The following IGFBP7 variants were observed in gnomAD, a reference collection of about 807,000 sequenced individuals.
The protein encoded by IGFBP7 is insulin-like growth factor-binding protein 7.
A neutral mutation model predicts 29.4 loss-of-function variants in IGFBP7; 31 were observed. That is an observed-to-expected ratio of 1.05 (90% CI 0.79 to 1.42). IGFBP7 has a LOEUF of 1.42. Ranked by LOEUF, IGFBP7 falls within the 40% of genes most tolerant of loss-of-function variation. The pLI is 0.00. For missense variants in IGFBP7, 393 were observed against 395.5 expected, an observed-to-expected ratio of 0.99 and a Z score of 0.05; for synonymous variants, 172 against 174.9, an observed-to-expected ratio of 0.98 and a Z score of 0.13.
chr4:57,056,269 AT>A (rs1260409857), intron 1 of IGFBP7, among the ~76,000 whole-genome samples: 3 of 152,014 alleles, frequency 2.0e-5, no homozygotes, highest in African/African-American at 7.3e-5. Context: ...TCCTAGCAGG[AT>A]TTCGTGTTTC....
intron 1 of IGFBP7, among the ~76,000 whole-genome samples, chr4:57,074,966 G>A (rs958448362): frequency 2.0e-5 from 3 of 152,206 alleles, no homozygotes; most frequent in East Asian, 1.9e-4. Flanking sequence ...GGGGAAATCC[G>A]TGCTGATTGG....
intron 1 of IGFBP7, among the ~76,000 whole-genome samples, chr4:57,105,569 C>A (rs987286180): frequency 5.3e-5 from 8 of 152,186 alleles, no homozygotes; most frequent in African/African-American, 1.9e-4. Context: ...TTCATGACAA[C>A]CCTATGAGAT....
At chr4:57,038,856 C>A (rs1220949090) in intron 2 of IGFBP7, among the ~76,000 whole-genome samples, 1 of 152,008 alleles carries the variant, frequency 6.6e-6, no homozygotes, top group African/African-American at 2.4e-5. Context: ...CACCTGAGGT[C>A]GGGAGTTCGA....
intron 2 of IGFBP7, 50 bp from the exon 3 acceptor site, chr4:57,033,361 T>G (rs1723996042): frequency 1.7e-6 from 2 of 1,210,830 alleles, no homozygotes; most frequent in East Asian, 2.3e-5. Context: ...CCAGATCATC[T>G]ACTTGGAAGT....
In IGFBP7 at chr4:57,037,600, A is replaced by G. The variant is rs538757101; in HGVS notation, c.585+3224T>C. Among the ~76,000 whole-genome samples the G allele has an allele frequency of 2.0e-5, 3 of 152,108 alleles. No homozygotes were observed. In the South Asian group the frequency reaches 6.2e-4, roughly 32 times the overall value. On this transcript the variant is annotated intron_variant, in intron 2 of 4. Coordinates refer to ENST00000295666, the MANE Select transcript of IGFBP7 (RefSeq NM_001553.3). Reference sequence around the variant, plus strand: ...ACAAGCACTCAGGGAGGCCTTGTCTATTGGGATCTGCCCTGTACAGTCCTA... The same window carrying G: ...ACAAGCACTCAGGGAGGCCTTGTCTGTTGGGATCTGCCCTGTACAGTCCTA...
chr4:57,062,722 G>T (rs1006488590), intron 1 of IGFBP7, among the ~76,000 whole-genome samples: 2 of 152,150 alleles, frequency 1.3e-5, no homozygotes, highest in African/African-American at 4.8e-5. Flanking sequence ...TTAAAAAGAT[G>T]CCATATGCAT....
chr4:57,070,747 G>T (rs1358160522), intron 1 of IGFBP7, among the ~76,000 whole-genome samples: 2 of 152,182 alleles, frequency 1.3e-5, no homozygotes, highest in Non-Finnish European at 2.9e-5. Flanking sequence ...GAAAGTCTAA[G>T]ACAACACAAG....
chr4:57,075,194 A>T (rs377382795), intron 1 of IGFBP7, among the ~76,000 whole-genome samples: 105 of 152,286 alleles, frequency 6.9e-4, no homozygotes, highest in African/African-American at 2.2e-3. Context: ...GTCTTTCCTT[A>T]TTAGGATCAT....
chr4:57,037,357 G>C (rs1367378142), intron 2 of IGFBP7, among the ~76,000 whole-genome samples: 1 of 146,136 alleles, frequency 6.8e-6, no homozygotes, highest in Non-Finnish European at 1.5e-5. Context: ...CACCCATCTC[G>C]TTGACTGACA....
intron 1 of IGFBP7, 59 bp downstream of exon 1, chr4:57,109,818 G>A (rs992103843): frequency 5.3e-6 from 8 of 1,496,438 alleles, no homozygotes; most frequent in Non-Finnish European, 6.2e-6. Context: ...CGCCCCGTCG[G>A]ATGTGCCCTT....
At chr4:57,060,112 C>T (rs565293383) in intron 1 of IGFBP7, among the ~76,000 whole-genome samples, 1 of 152,294 alleles carries the variant, frequency 6.6e-6, no homozygotes, top group East Asian at 1.9e-4. Context: ...GACAACTATA[C>T]ATGCAATTAT....
At chr4:57,072,397 G>T (rs1220878067) in intron 1 of IGFBP7, among the ~76,000 whole-genome samples, 2 of 152,152 alleles carry the variant, frequency 1.3e-5, no homozygotes, top group African/African-American at 2.4e-5. Flanking sequence ...GTGTGTTTGT[G>T]TGGGGTGCCC....
intron 1 of IGFBP7, among the ~76,000 whole-genome samples, chr4:57,098,599 T>G: frequency 6.6e-6 from 1 of 152,168 alleles, no homozygotes; most frequent in East Asian, 1.9e-4. Context: ...GGCCTCTGGC[T>G]CCGAAGCCCT....
chr4:57,063,713 A>G (rs2109768060), intron 1 of IGFBP7, among the ~76,000 whole-genome samples: 1 of 152,276 alleles, frequency 6.6e-6, no homozygotes, highest in East Asian at 1.9e-4. Flanking sequence ...CCTATTTACA[A>G]ATTGGTCCTC....
chr4:57,033,462 A>T, intron 2 of IGFBP7, 151 bp from the exon 3 acceptor site: 1 of 691,946 alleles, frequency 1.4e-6, no homozygotes, highest in Non-Finnish European at 2.6e-6. Flanking sequence ...TTTCCTAAAT[A>T]CTTTTAAAAT....
At chr4:57,099,675 A>G (rs930026136) in intron 1 of IGFBP7, among the ~76,000 whole-genome samples, 2 of 152,224 alleles carry the variant, frequency 1.3e-5, no homozygotes, top group African/African-American at 2.4e-5. Flanking sequence ...CAGCAGCCCT[A>G]GCACACTCGC....
chr4:57,067,858 T>C (rs13117875), intron 1 of IGFBP7, among the ~76,000 whole-genome samples: 62,212 of 152,032 alleles, frequency 0.41, 14,458 homozygotes, highest in Admixed American at 0.55. Flanking sequence ...ATAAAAAGTT[T>C]TACTTGTTTT....
intron 1 of IGFBP7, among the ~76,000 whole-genome samples, chr4:57,051,149 T>A (rs936163407): frequency 1.3e-5 from 2 of 151,954 alleles, no homozygotes; most frequent in African/African-American, 4.8e-5. Flanking sequence ...AAAAGAATAG[T>A]AGGAAGGCAC....
In IGFBP7 at chr4:57,110,345, G is replaced by T; in HGVS notation, c.7C>A (p.Arg3=). 7.3e-7 allele frequency: 1 copy of T among 1,367,218 alleles called. No individual in the cohort carries two copies. The highest frequency in any genetic ancestry group is 9.4e-7 in the Non-Finnish European group (1 of 1,058,892). 84.7% of individuals were successfully genotyped at this position (1,367,218 alleles called of 1,614,324 possible). The change falls in exon 1 of 5, where the codon CGG becomes AGG. Residue 3 remains arginine (R), a synonymous_variant. Transcript: ENST00000295666. ...AGGAGCAGGGCGCGCAGCGACGGCC[G>T]CTCCATGGCGGGGTGCGGTGGCAGC... ME[R]PSLRALLLGA... is the part of the protein sequence containing the mutation.
Sources: allele counts gnomAD v4.1 joint callset (sites outside exome capture counted in the v4.1 genomes callset), GRCh38; gene constraint gnomAD v4.1.1; transcripts MANE v1.5; gene names NCBI Gene and HGNC (gene_info 2026-07-23, HGNC 2026-07-21).